The following RABGAP1 variants were observed in gnomAD, a reference collection of about 807,000 sequenced individuals.
The protein encoded by RABGAP1 is RAB GTPase activating protein 1.
Under a neutral mutation model 137.6 loss-of-function variants are expected in RABGAP1, and 23 were observed. The observed-to-expected ratio is 0.17, with a 90% CI of 0.12 to 0.24. The LOEUF (loss-of-function observed/expected upper bound fraction) is 0.24. Among genes scored for constraint, RABGAP1 ranks in the 10% least tolerant of loss-of-function variants. The pLI, the probability that RABGAP1 is intolerant of heterozygous loss-of-function variation, is 1.00. For synonymous variants in RABGAP1, 451 were observed against 450.7 expected, an observed-to-expected ratio of 1.00 and a Z score of -0.01; for missense variants, 906 against 1,275.8, an observed-to-expected ratio of 0.71 and a Z score of 4.42.
At chr9:123,019,584 G>A (rs961893786) in intron 12 of RABGAP1, among the ~76,000 whole-genome samples, 1 of 152,100 alleles carries the variant, frequency 6.6e-6, no homozygotes, top group African/African-American at 2.4e-5. Context: ...CAAAGCAGTG[G>A]AACTACATGA....
intron 10 of RABGAP1, among the ~76,000 whole-genome samples, chr9:123,004,367 A>C (rs1350237398): frequency 6.6e-6 from 1 of 151,890 alleles, no homozygotes; most frequent in Non-Finnish European, 1.5e-5. Flanking sequence ...GGCTCGCTAC[A>C]GCCTTGACCT....
intron 13 of RABGAP1, among the ~76,000 whole-genome samples, chr9:123,057,621 C>T (rs2033783559): frequency 6.6e-6 from 1 of 152,134 alleles, no homozygotes; most frequent in African/African-American, 2.4e-5. Flanking sequence ...GGCGGCCAGG[C>T]AGAGACGCTC....
intron 2 of RABGAP1, among the ~76,000 whole-genome samples, chr9:122,967,065 G>T (rs184811521): frequency 1.3e-5 from 2 of 152,212 alleles, no homozygotes; most frequent in Admixed American, 6.5e-5. Flanking sequence ...CAGCCAAACC[G>T]TATCACTAGG....
chr9:123,082,591 T>C (rs1305638002), intron 19 of RABGAP1, among the ~76,000 whole-genome samples: 1 of 152,236 alleles, frequency 6.6e-6, no homozygotes, highest in East Asian at 1.9e-4. Flanking sequence ...CCAAGAATCA[T>C]GCTCTAAGAG....
At chr9:122,944,584 C>G (rs1056949196) in intron 1 of RABGAP1, among the ~76,000 whole-genome samples, 1 of 151,216 alleles carries the variant, frequency 6.6e-6, no homozygotes, top group East Asian at 2.0e-4. Flanking sequence ...TGGAGTGTGG[C>G]GGCACGATAT....
At chr9:123,093,951 C>CT (rs1162650026) in intron 21 of RABGAP1, among the ~76,000 whole-genome samples, 108 of 152,286 alleles carry the variant, frequency 7.1e-4, no homozygotes, top group East Asian at 9.6e-4. Flanking sequence ...TTCAGTTTCT[C>CT]TCAGTAGCAA....
At chr9:123,010,618 G>A (rs762983489) in intron 11 of RABGAP1, 90 bp downstream of exon 11, 30 of 1,217,486 alleles carry the variant, frequency 2.5e-5, no homozygotes, top group African/African-American at 1.2e-4. Flanking sequence ...AATGTGATAC[G>A]GCATTTATAA....
intron 13 of RABGAP1, among the ~76,000 whole-genome samples, chr9:123,054,316 T>C (rs904552912): frequency 3.3e-5 from 5 of 152,220 alleles, no homozygotes; most frequent in African/African-American, 1.2e-4. Flanking sequence ...ACAAATTTAG[T>C]CCAGCATTTT....
chr9:122,957,884 CTT>C (rs143569135), intron 2 of RABGAP1, among the ~76,000 whole-genome samples: 36 of 133,110 alleles, frequency 2.7e-4, no homozygotes, highest in East Asian at 7.9e-4. Context: ...AGCTTTAATT[CTT>C]TTTTTTTTTT....
At chr9:123,078,271 TG>T (rs1281420582) in intron 19 of RABGAP1, among the ~76,000 whole-genome samples, 1 of 152,264 alleles carries the variant, frequency 6.6e-6, no homozygotes, top group Admixed American at 6.5e-5. Context: ...ATAGAACTTC[TG>T]GTAATTAAAA....
At chr9:122,983,675 C>T (rs571557767) in intron 2 of RABGAP1, among the ~76,000 whole-genome samples, 5 of 152,230 alleles carry the variant, frequency 3.3e-5, no homozygotes, top group Non-Finnish European at 5.9e-5. Context: ...AATCAGGGCT[C>T]CCTCTTTTTT....
At chr9:122,947,503 A>G (rs534429803) in intron 1 of RABGAP1, among the ~76,000 whole-genome samples, 15 of 152,364 alleles carry the variant, frequency 9.8e-5, no homozygotes, top group East Asian at 5.8e-4. Flanking sequence ...TCACAATGCA[A>G]AAAGATTACA....
At chr9:123,099,925 G>A (rs2035291035) in intron 24 of RABGAP1, among the ~76,000 whole-genome samples, 1 of 152,202 alleles carries the variant, frequency 6.6e-6, no homozygotes, top group Admixed American at 6.5e-5. Flanking sequence ...ACTTTCCAGT[G>A]TTGTTCTGAG....
intron 23 of RABGAP1, 101 bp from the exon 24 acceptor site, chr9:123,099,377 A>T: frequency 8.9e-7 from 1 of 1,126,214 alleles, no homozygotes; most frequent in Non-Finnish European, 1.3e-6. Flanking sequence ...GCTATTTGCT[A>T]CTATGTTAAT....
At chr9:123,049,318 GTGTTTGGAGTAAGT>G (rs1029098643) in intron 13 of RABGAP1, among the ~76,000 whole-genome samples, 5 of 151,538 alleles carry the variant, frequency 3.3e-5, no homozygotes, top group African/African-American at 1.2e-4. Flanking sequence ...GTTGTTTTGT[GTGTTTGGAGTAAGT>G]TGTTTGGAGG....
At chr9:123,097,895 G>C (rs778626861) in intron 22 of RABGAP1, 50 bp downstream of exon 22, 1 of 1,509,680 alleles carries the variant, frequency 6.6e-7, no homozygotes, top group East Asian at 2.3e-5. Context: ...TTGAGAACTG[G>C]GAGTTCAGCT....
At chr9:123,063,885 T>C (rs905517519) in intron 13 of RABGAP1, among the ~76,000 whole-genome samples, 5 of 152,202 alleles carry the variant, frequency 3.3e-5, no homozygotes, top group African/African-American at 1.2e-4. Context: ...TTTGATGAAG[T>C]GTCCAGCTTG....
intron 10 of RABGAP1, among the ~76,000 whole-genome samples, chr9:123,009,402 T>C (rs1484716274): frequency 2.0e-5 from 3 of 152,230 alleles, no homozygotes; most frequent in Admixed American, 2.0e-4. Flanking sequence ...GGCTGATATT[T>C]CTATAGCTCA....
At chr9:123,074,194 T>C (rs1188538468) in intron 16 of RABGAP1, 91 bp from the exon 17 acceptor site, 1 of 1,481,742 alleles carries the variant, frequency 6.7e-7, no homozygotes, top group Non-Finnish European at 9.2e-7. Flanking sequence ...TATTTTACTT[T>C]TTTGGCCTAT....
Sources: allele counts gnomAD v4.1 joint callset (sites outside exome capture counted in the v4.1 genomes callset), GRCh38; gene constraint gnomAD v4.1.1; transcripts MANE v1.5; gene names NCBI Gene and HGNC (gene_info 2026-07-23, HGNC 2026-07-21).